The following MEGF6 variants were observed in gnomAD, a reference collection of about 807,000 sequenced individuals.
MEGF6 encodes the protein multiple epidermal growth factor-like domains protein 6.
Under a neutral mutation model 207.1 loss-of-function variants are expected in MEGF6, and 184 were observed. The observed-to-expected ratio is 0.89, with a 90% CI of 0.79 to 1.00. The LOEUF (loss-of-function observed/expected upper bound fraction) is 1.00, where lower values mean the gene tolerates loss of function less well. Among genes scored for constraint, MEGF6 ranks in the 50% least tolerant of loss-of-function variants. The pLI is 0.00. For synonymous variants in MEGF6, 1,038 were observed against 910.0 expected, an observed-to-expected ratio of 1.14 and a Z score of -2.53; for missense variants, 2,282 against 2,202.9, an observed-to-expected ratio of 1.04 and a Z score of -0.72.
intron 3 of MEGF6, among the ~76,000 whole-genome samples, chr1:3,592,963 G>A (rs1644003436): frequency 6.6e-6 from 1 of 152,084 alleles, no homozygotes; most frequent in Non-Finnish European, 1.5e-5. Flanking sequence ...CCTCAGCCCA[G>A]CCCGGGCTGC....
chr1:3,550,660 C>G (rs190344202), intron 4 of MEGF6, among the ~76,000 whole-genome samples: 86 of 152,384 alleles, frequency 5.6e-4, no homozygotes, highest in African/African-American at 2.0e-3. Flanking sequence ...CGTGCCGGAT[C>G]TGGCCCCATG....
At chr1:3,513,389 G>A (rs1178529972) in intron 7 of MEGF6, among the ~76,000 whole-genome samples, 1 of 150,464 alleles carries the variant, frequency 6.6e-6, no homozygotes, top group African/African-American at 2.5e-5. Context: ...CTCCTGCCTC[G>A]GCCTCCTGAG....
chr1:3,506,031 T>G (rs1034033423), intron 15 of MEGF6, 77 bp downstream of exon 15: 23 of 1,493,370 alleles, frequency 1.5e-5, no homozygotes, highest in Non-Finnish European at 2.0e-5. Flanking sequence ...TAACCCAGAC[T>G]ACAGGTAACA....
intron 2 of MEGF6, among the ~76,000 whole-genome samples, chr1:3,598,653 C>T (rs1400042662): frequency 1.3e-5 from 2 of 152,030 alleles, no homozygotes; most frequent in Non-Finnish European, 2.9e-5. Flanking sequence ...CCAGCACCAG[C>T]CCACACGGGC....
intron 4 of MEGF6, among the ~76,000 whole-genome samples, chr1:3,570,131 C>G (rs1643455207): frequency 6.6e-6 from 1 of 152,228 alleles, no homozygotes; most frequent in Non-Finnish European, 1.5e-5. Context: ...GTGGCCCAGC[C>G]TGAGCATAGC....
chr1:3,501,815 A>G lies in MEGF6; in HGVS notation c.2295T>C (p.Thr765=), dbSNP rs2100942230. 1 of 1,609,808 alleles carries G rather than the reference A, an allele frequency of 6.2e-7. No homozygotes were observed. Among genetic ancestry groups the G allele is most frequent in the Non-Finnish European group, 8.5e-7 (1 of 1,178,740 alleles). Residue 765 remains threonine, a synonymous_variant, in exon 18 of 37, where the codon ACT becomes ACC. Transcript: ENST00000356575. ...ACTCACCTGCCTCACAGTCTTCCCC[A>G]GTCCTCCCCGGCGGACACCGGCACT... ...TGQCRCPPGR[T]GEDCEADCPE...
intron 4 of MEGF6, among the ~76,000 whole-genome samples, chr1:3,561,635 A>C (rs1643205030): frequency 6.6e-6 from 1 of 152,176 alleles, no homozygotes; most frequent in Non-Finnish European, 1.5e-5. Context: ...GGTGCGGCTG[A>C]TGACAAAGAC....
rs1208703417 is a variant in MEGF6 at position 3,492,632 on chromosome 1, A to G, written c.4516+7T>C. 6.2e-7 allele frequency: 1 copy of G among 1,604,236 alleles called. No individual in the cohort carries two copies. The highest frequency in any genetic ancestry group is 1.1e-5 in the South Asian group (1 of 90,878). ...CTTCCCGCCCTTCCCCAGGAAGCCC[A>G]GCTCACCTTCCCGGCACGTGGGCCC... On this transcript the variant is annotated splice_region_variant and intron_variant, in intron 35 of 36. Transcript: ENST00000356575.
rs747809413 is a variant in MEGF6 at position 3,499,851 on chromosome 1, G to A, written c.2781C>T (p.His927=). Residue 927 remains histidine (H), a synonymous_variant, in exon 22 of 37, where the codon CAC becomes CAT. Transcript: ENST00000356575. ...CCGGGCAGGTGCAGGCCCCGCTGACGTGGTCACAGGCTGCTCCATGCTGAC... is the reference window on the plus strand; with the variant it reads ...CCGGGCAGGTGCAGGCCCCGCTGACATGGTCACAGGCTGCTCCATGCTGAC... ...CQCQHGAACD[H]VSGACTCPAG... 4.7e-5 allele frequency: 73 copies of A among 1,554,942 alleles called. No homozygotes were observed. The highest frequency in any genetic ancestry group is 3.0e-4 in the South Asian group (25 of 84,422).
chr1:3,549,855 C>T (rs1434804968), intron 4 of MEGF6, among the ~76,000 whole-genome samples: 3 of 152,218 alleles, frequency 2.0e-5, no homozygotes, highest in African/African-American at 7.2e-5. Flanking sequence ...CCCCTTGCTC[C>T]AGCTTCTCCC....
chr1:3,520,724 C>T (rs935655028), intron 5 of MEGF6, among the ~76,000 whole-genome samples: 4 of 152,166 alleles, frequency 2.6e-5, no homozygotes, highest in Non-Finnish European at 2.9e-5. Context: ...TGTAGATTCT[C>T]GCTTTTGAGA....
Position 3,505,345 on chromosome 1 carries a change from G to C in MEGF6, c.2054-3C>G, listed in dbSNP as rs1217979499. The C allele has an allele frequency of 1.2e-6, 2 of 1,610,428 alleles. No homozygotes were observed. The highest frequency in any genetic ancestry group is 1.3e-5 in the African/African-American group (1 of 74,902). ...CCCAAAGTAGCCCAGCTCACACTCT[G>C]CAGGGCGTGAGAGAGGGGTGGGTGG... On this transcript the variant is annotated splice_region_variant and splice_polypyrimidine_tract_variant and intron_variant, in intron 16 of 36. Transcript: ENST00000356575.
intron 4 of MEGF6, among the ~76,000 whole-genome samples, chr1:3,555,286 C>T (rs555200966): frequency 8.5e-5 from 13 of 152,136 alleles, no homozygotes; most frequent in South Asian, 2.1e-4. Flanking sequence ...CCTCTCCCTG[C>T]GCCTCCACCC....
At chr1:3,613,975 G>A (rs527741800), upstream of MEGF6, among the ~76,000 whole-genome samples, 10 of 152,290 alleles carry the variant, frequency 6.6e-5, no homozygotes, top group African/African-American at 2.4e-4. Context: ...GCCCCAGGTG[G>A]AGAGGCAGGC....
chr1:3,493,435 G>C (rs908726108), intron 34 of MEGF6: 5 of 390,832 alleles, frequency 1.3e-5, no homozygotes, highest in Non-Finnish European at 2.3e-5. Context: ...GGCTGGAGGG[G>C]CCACAGCCCC....
At chr1:3,611,708 T>C (rs552038586), upstream of MEGF6, among the ~76,000 whole-genome samples, 1 of 115,898 alleles carries the variant, frequency 8.6e-6, no homozygotes, top group Non-Finnish European at 1.8e-5. Flanking sequence ...GCCCGGCTCC[T>C]GCTTCCAGCC....
intron 8 of MEGF6, 76 bp from the exon 9 acceptor site, chr1:3,511,763 C>G (rs1436371510): frequency 4.5e-6 from 7 of 1,551,850 alleles, no homozygotes; most frequent in Non-Finnish European, 2.6e-6. Flanking sequence ...ACCCCTACCT[C>G]CACCCAGCAG....
chr1:3,621,674 G>T, the MEGF6 span, among the ~76,000 whole-genome samples: 1 of 152,202 alleles, frequency 6.6e-6, no homozygotes, highest in Non-Finnish European at 1.5e-5. Flanking sequence ...CGAGAAGGGG[G>T]ACACTGTCCT....
At chr1:3,501,722 C>T in intron 18 of MEGF6, 74 bp downstream of exon 18, 1 of 1,543,168 alleles carries the variant, frequency 6.5e-7, no homozygotes, top group Non-Finnish European at 8.7e-7. Context: ...CTGGGGCCCC[C>T]ACAGTTCAGG....
Sources: gnomAD v4.1 joint callset for allele counts (sites outside exome capture counted in the v4.1 genomes callset) on GRCh38, gnomAD v4.1.1 for gene constraint, MANE v1.5 for transcripts, NCBI Gene and HGNC (gene_info 2026-07-23, HGNC 2026-07-21) for gene names.